The following RBKS variants were observed in gnomAD, a reference collection of about 807,000 sequenced individuals.
RBKS encodes ribokinase.
In RBKS, 33 loss-of-function variants were observed where a neutral mutation model predicts 33.9. The observed-to-expected ratio is 0.97, with a 90% CI of 0.74 to 1.30. RBKS has a LOEUF of 1.30. RBKS is among the 50% of genes most tolerant of loss of function. The pLI is 0.00. For synonymous variants in RBKS, 125 were observed against 143.0 expected, an observed-to-expected ratio of 0.87 and a Z score of 0.90; for missense variants, 361 against 392.6, an observed-to-expected ratio of 0.92 and a Z score of 0.68.
intron 4 of RBKS, among the ~76,000 whole-genome samples, chr2:27,843,464 G>GA (rs1191588334): frequency 6.6e-6 from 1 of 151,986 alleles, no homozygotes; most frequent in Non-Finnish European, 1.5e-5. Flanking sequence ...ATCTTAAAAA[G>GA]ATTTTCCCAA....
At chr2:27,887,312 G>C (rs1558560780) in intron 1 of RBKS, among the ~76,000 whole-genome samples, 2 of 152,142 alleles carry the variant, frequency 1.3e-5, no homozygotes, top group Non-Finnish European at 2.9e-5. Flanking sequence ...TCCTCCTCTA[G>C]AGTCTCCAGA....
intron 7 of RBKS, among the ~76,000 whole-genome samples, chr2:27,822,746 TAGAA>T (rs66523005): frequency 0.22 from 33,781 of 151,912 alleles, 4,545 homozygotes; most frequent in East Asian, 0.62. Flanking sequence ...ATGTGAAGGA[TAGAA>T]AGAAAGGAGA....
intron 7 of RBKS, among the ~76,000 whole-genome samples, chr2:27,789,949 GTATATATATATA>G (rs35109548): frequency 2.1e-4 from 25 of 121,510 alleles, no homozygotes; most frequent in Middle Eastern, 4.2e-3. Flanking sequence ...ATGTATATGT[GTATATATATATA>G]TATATATATA....
At position 27,827,574 on chromosome 2, in the gene RBKS, T is replaced by C. The variant is rs1678335790; in HGVS notation, c.788A>G (p.Asp263Gly). Residue 263 changes from aspartate (D) to glycine (G), a missense_variant, in exon 7 of 8, where the codon GAT becomes GGT. Asp to Gly is a moderately conservative substitution (Grantham distance 94, BLOSUM62 -1). Transcript: ENST00000302188. ...HIPTEKVKAV[D>G]TTGAGDSFVG... ...TTAAATTTTAAAACTTACCGTGGTATCCACAGCCTTGACTTTCTCTGTGGG... is the reference window on the plus strand; with the variant it reads ...TTAAATTTTAAAACTTACCGTGGTACCCACAGCCTTGACTTTCTCTGTGGG... The C allele has an allele frequency of 6.3e-7, 1 of 1,576,552 alleles. No individual in the cohort carries two copies. The highest frequency in any genetic ancestry group is 8.6e-7 in the Non-Finnish European group (1 of 1,164,912).
chr2:27,811,069 C>A (rs533350379), intron 7 of RBKS, among the ~76,000 whole-genome samples: 43 of 152,296 alleles, frequency 2.8e-4, no homozygotes, highest in Middle Eastern at 3.4e-3. Flanking sequence ...TTTGAAGCAG[C>A]ACAAATATGC....
chr2:27,857,629 C>A (rs1429047565), intron 2 of RBKS, among the ~76,000 whole-genome samples: 1 of 152,128 alleles, frequency 6.6e-6, no homozygotes, highest in Non-Finnish European at 1.5e-5. Context: ...TGCGGTGAAA[C>A]CTGCTAAAAA....
chr2:27,888,823 G>C (rs1043032873), intron 1 of RBKS, among the ~76,000 whole-genome samples: 2 of 152,086 alleles, frequency 1.3e-5, no homozygotes, highest in Non-Finnish European at 2.9e-5. Context: ...CATACGGCTT[G>C]CAAAGCCTAA....
intron 7 of RBKS, among the ~76,000 whole-genome samples, chr2:27,785,624 G>A (rs932670225): frequency 3.5e-4 from 54 of 152,150 alleles, no homozygotes; most frequent in Middle Eastern, 3.4e-3. Flanking sequence ...CTAGCCGGGC[G>A]TAGTGGCAGG....
chr2:27,832,413 C>A (rs1388964397), intron 6 of RBKS, among the ~76,000 whole-genome samples: 1 of 152,098 alleles, frequency 6.6e-6, no homozygotes, highest in African/African-American at 2.4e-5. Context: ...GAAAAGAAAA[C>A]AAAACACCAA....
chr2:27,833,037 G>A (rs571990754), intron 5 of RBKS, among the ~76,000 whole-genome samples: 46 of 152,262 alleles, frequency 3.0e-4, no homozygotes, highest in African/African-American at 8.9e-4. Context: ...AACAGTCAAC[G>A]TGATTATAGA....
chr2:27,789,911 G>GTATATATCTATA (rs1677477777), intron 7 of RBKS, among the ~76,000 whole-genome samples: 1 of 123,704 alleles, frequency 8.1e-6, no homozygotes, highest in Non-Finnish European at 1.6e-5. Flanking sequence ...GTGTGTGTGT[G>GTATATATCTATA]TGTGTTTGTG....
At chr2:27,846,198 C>T (rs1381761397) in intron 4 of RBKS, among the ~76,000 whole-genome samples, 1 of 152,166 alleles carries the variant, frequency 6.6e-6, no homozygotes, top group Non-Finnish European at 1.5e-5. Flanking sequence ...GAACTCCTGA[C>T]CTCAAATGAT....
intron 7 of RBKS, among the ~76,000 whole-genome samples, chr2:27,784,340 C>T (rs984786690): frequency 1.2e-4 from 18 of 152,158 alleles, no homozygotes; most frequent in African/African-American, 4.3e-4. Flanking sequence ...TAAGGGCTTT[C>T]ATAACAAATC....
intron 6 of RBKS, 28 bp downstream of exon 6, chr2:27,832,658 T>G (rs560779270): frequency 4.0e-6 from 6 of 1,505,646 alleles, no homozygotes; most frequent in African/African-American, 1.4e-5. Flanking sequence ...TGGTTTCTCA[T>G]AGAATGAGCA....
chr2:27,847,149 A>G (rs1218946692), intron 3 of RBKS, 45 bp from the exon 4 acceptor site: 2 of 1,125,710 alleles, frequency 1.8e-6, no homozygotes, highest in East Asian at 4.7e-5. Flanking sequence ...ACAGGCTGGC[A>G]TGGATAATTT....
chr2:27,790,185 C>T (rs7580852), intron 7 of RBKS, among the ~76,000 whole-genome samples: 11 of 151,772 alleles, frequency 7.2e-5, no homozygotes, highest in South Asian at 4.2e-4. Flanking sequence ...ATTAGGGAAA[C>T]GCAACCTGTA....
intron 7 of RBKS, among the ~76,000 whole-genome samples, chr2:27,789,945 ATGTG>A (rs1299017838): frequency 7.4e-5 from 8 of 107,614 alleles, no homozygotes; most frequent in Admixed American, 5.8e-4. Context: ...ATATATGTAT[ATGTG>A]TATATATATA....
intron 1 of RBKS, among the ~76,000 whole-genome samples, chr2:27,884,968 C>T (rs1032295246): frequency 3.3e-5 from 5 of 152,140 alleles, no homozygotes; most frequent in African/African-American, 1.2e-4. Flanking sequence ...GCTTTAAATA[C>T]CATTGATACA....
chr2:27,870,383 G>A (rs1558555900), intron 1 of RBKS: 1 of 166,602 alleles, frequency 6.0e-6, no homozygotes, highest in Non-Finnish European at 1.3e-5. Context: ...AACCCATTCT[G>A]TGTCACTGAA....
Sources: allele counts gnomAD v4.1 joint callset (sites outside exome capture counted in the v4.1 genomes callset), GRCh38; gene constraint gnomAD v4.1.1; transcripts MANE v1.5; gene names NCBI Gene and HGNC (gene_info 2026-07-23, HGNC 2026-07-21).